PHC3: variants seen among roughly 807,000 people sequenced by gnomAD.
PHC3 encodes polyhomeotic-like protein 3.
In PHC3, 13 loss-of-function variants were observed where a neutral mutation model predicts 107.4. The ratio of observed to expected loss-of-function variants is 0.12; its 90% confidence interval spans 0.08 to 0.19. The LOEUF (loss-of-function observed/expected upper bound fraction) is 0.19, where lower values mean the gene tolerates loss of function less well. Ranked by LOEUF, PHC3 falls within the 10% of genes least tolerant of loss-of-function variation. The pLI is 1.00. For missense variants in PHC3, 992 were observed against 1,210.9 expected, an observed-to-expected ratio of 0.82 and a Z score of 2.68; for synonymous variants, 456 against 427.4, an observed-to-expected ratio of 1.07 and a Z score of -0.83.
intron 1 of PHC3, 115 bp from the exon 2 acceptor site, chr3:170,179,053 T>A: frequency 1.0e-6 from 1 of 983,942 alleles, no homozygotes; most frequent in Non-Finnish European, 1.5e-6. Context: ...AAGGCTCTCA[T>A]AAAAGACAGC....
intron 9 of PHC3, among the ~76,000 whole-genome samples, chr3:170,121,682 T>C (rs1449646145): frequency 2.0e-5 from 3 of 152,152 alleles, no homozygotes; most frequent in Non-Finnish European, 4.4e-5. Context: ...TTTTAATCCA[T>C]GTCTAAAAGC....
chr3:170,148,551 C>G (rs1187035664), intron 5 of PHC3: 1 of 152,148 alleles, frequency 6.6e-6, no homozygotes, highest in African/African-American at 2.4e-5. Context: ...CACAAATAAC[C>G]TTGCAGAATT....
intron 3 of PHC3, among the ~76,000 whole-genome samples, chr3:170,172,019 T>C (rs1284276055): frequency 3.3e-5 from 5 of 152,274 alleles, no homozygotes; most frequent in African/African-American, 7.2e-5. Context: ...CTGTTATCAG[T>C]AGGAATAATA....
chr3:170,178,035 T>A (rs1577296043), intron 2 of PHC3, among the ~76,000 whole-genome samples: 1 of 152,106 alleles, frequency 6.6e-6, no homozygotes, highest in South Asian at 2.1e-4. Context: ...CCCAATTAAG[T>A]ATGTGTTGGA....
At chr3:170,168,299 AT>A (rs1271200633) in intron 4 of PHC3, among the ~76,000 whole-genome samples, 2 of 152,158 alleles carry the variant, frequency 1.3e-5, no homozygotes, top group Non-Finnish European at 2.9e-5. Flanking sequence ...ATTTTCTCCC[AT>A]TTTGCTGTTT....
chr3:170,139,575 CTTTTGT>C, intron 6 of PHC3, among the ~76,000 whole-genome samples: 1 of 152,040 alleles, frequency 6.6e-6, no homozygotes, highest in Non-Finnish European at 1.5e-5. Context: ...AATAATACTC[CTTTTGT>C]TTTTAATTTT....
intron 4 of PHC3, among the ~76,000 whole-genome samples, chr3:170,151,562 G>T (rs1467092152): frequency 1.3e-5 from 2 of 152,170 alleles, no homozygotes; most frequent in Non-Finnish European, 2.9e-5. Context: ...AGGGTATCTT[G>T]GTTCTATAGA....
intron 2 of PHC3, among the ~76,000 whole-genome samples, chr3:170,177,819 T>C (rs1456777557): frequency 6.6e-6 from 1 of 151,658 alleles, no homozygotes; most frequent in Admixed American, 6.6e-5. Flanking sequence ...CACTGGCACA[T>C]GCCACCATGC....
At chr3:170,173,731 AGAGT>A (rs1186258087) in intron 2 of PHC3, among the ~76,000 whole-genome samples, 1 of 152,254 alleles carries the variant, frequency 6.6e-6, no homozygotes, top group African/African-American at 2.4e-5. Flanking sequence ...AATAGTATAT[AGAGT>A]AAGATACCAT....
chr3:170,170,784 T>C (rs375076649), intron 4 of PHC3: 1 of 152,246 alleles, frequency 6.6e-6, no homozygotes, highest in East Asian at 1.9e-4. Context: ...ATACCAAAAT[T>C]AAAAGCTAAA....
chr3:170,135,139 T>TTTTGTTTG (rs370687749), intron 7 of PHC3, among the ~76,000 whole-genome samples: 8 of 151,880 alleles, frequency 5.3e-5, no homozygotes, highest in Non-Finnish European at 1.0e-4. Flanking sequence ...AAAGGAAGTT[T>TTTTGTTTG]TTTGTTTGTT....
intron 12 of PHC3, among the ~76,000 whole-genome samples, chr3:170,104,891 T>C (rs138443211): frequency 6.1e-4 from 93 of 152,322 alleles, no homozygotes; most frequent in Non-Finnish European, 1.2e-3. Flanking sequence ...AAAACTTCTT[T>C]ATCCGTTAAG....
rs1419025610 is a variant in PHC3 at position 170,094,507 on chromosome 3, A to G, written c.*2723T>C. ...TCCTAAAACTATTAGTAGTAGTATG[A>G]AAGGATATGAAAACAATTTACTCTC... On this transcript the variant is annotated 3_prime_UTR_variant, in exon 15 of 15. Coordinates refer to ENST00000495893, the MANE Select transcript of PHC3 (RefSeq NM_024947.4). The G allele has an allele frequency of 3.3e-5, 5 of 152,184 alleles. No homozygotes were observed. Among genetic ancestry groups the G allele is most frequent in the African/African-American group, 1.2e-4 (5 of 41,420 alleles). 9.4% of individuals were successfully genotyped at this position (152,184 alleles called of 1,614,324 possible). A position where few individuals can be genotyped will look rare whatever the true frequency, so the allele number is the denominator to read the frequency against.
intron 4 of PHC3, among the ~76,000 whole-genome samples, chr3:170,159,924 T>C (rs1215536529): frequency 6.6e-6 from 1 of 152,178 alleles, no homozygotes; most frequent in Non-Finnish European, 1.5e-5. Flanking sequence ...GTAAAGATAA[T>C]TATAAAAAGA....
chr3:170,159,233 C>CA (rs1560112082), intron 4 of PHC3, among the ~76,000 whole-genome samples: 3 of 118,724 alleles, frequency 2.5e-5, no homozygotes, highest in African/African-American at 9.8e-5. Flanking sequence ...GCCTGGAAGA[C>CA]AGAGCGAGAC....
At chr3:170,138,709 A>G (rs1723551964) in intron 6 of PHC3, among the ~76,000 whole-genome samples, 1 of 150,848 alleles carries the variant, frequency 6.6e-6, no homozygotes, top group African/African-American at 2.4e-5. Context: ...AAAAAAAAAA[A>G]AGATAAGAAA....
chr3:170,131,471 C>T (rs1445991161), intron 7 of PHC3, among the ~76,000 whole-genome samples: 2 of 152,098 alleles, frequency 1.3e-5, no homozygotes, highest in African/African-American at 4.8e-5. Context: ...GGGCCCACTT[C>T]AATTCAATTT....
chr3:170,164,313 C>T (rs1033803902), intron 4 of PHC3, among the ~76,000 whole-genome samples: 2 of 152,090 alleles, frequency 1.3e-5, no homozygotes, highest in African/African-American at 2.4e-5. Flanking sequence ...TTTGTGTTAT[C>T]TATTCCTTAG....
intron 14 of PHC3, among the ~76,000 whole-genome samples, chr3:170,101,796 T>TA (rs1560018990): frequency 6.6e-6 from 1 of 152,056 alleles, no homozygotes; most frequent in East Asian, 1.9e-4. Context: ...GGAAAAAAGA[T>TA]AGAGACTTAA....
Sources: gnomAD v4.1 joint callset for allele counts (sites outside exome capture counted in the v4.1 genomes callset) on GRCh38, gnomAD v4.1.1 for gene constraint, MANE v1.5 for transcripts, NCBI Gene and HGNC (gene_info 2026-07-23, HGNC 2026-07-21) for gene names.